Variants in KLHL1 observed in about 807,000 individuals in gnomAD.
The protein encoded by KLHL1 is kelch like family member 1.
Under a neutral mutation model 77.7 loss-of-function variants are expected in KLHL1, and 47 were observed. That is an observed-to-expected ratio of 0.60 (90% CI 0.48 to 0.77). The LOEUF (loss-of-function observed/expected upper bound fraction) is 0.77, where lower values mean the gene tolerates loss of function less well. KLHL1 is among the 30% of genes least tolerant of loss of function. The pLI is 0.00. For missense variants in KLHL1, 925 were observed against 910.8 expected (o/e 1.02, Z -0.20); for synonymous variants, 360 against 325.2 (o/e 1.11, Z -1.15).
Position 70,107,473 on chromosome 13 carries a change from G to C in KLHL1, c.227C>G (p.Ser76Cys). 6.2e-7 allele frequency: 1 copy of C among 1,614,104 alleles called. No homozygotes were observed. Among genetic ancestry groups the C allele is most frequent in the South Asian group, 1.1e-5 (1 of 91,086 alleles). The stretch of plus-strand genomic sequence containing the variant: ...AGAGGACGGGGAGGACGATGAAGAG[G>C]AAGAGGAGGAAGGCTTCTTCCAGAA... ...STFWKKPSSS[S>C]SSSSSPSSSS... is the part of the protein sequence containing the mutation. Residue 76 changes from serine (S) to cysteine (C), a missense_variant, in exon 1 of 11, where the codon TCC (serine) becomes TGC (cysteine). Physicochemically the swap from Ser to Cys is moderately radical, Grantham distance 112 (BLOSUM62 -1). Coordinates refer to ENST00000377844, the MANE Select transcript of KLHL1 (RefSeq NM_020866.3).
intron 1 of KLHL1, among the ~76,000 whole-genome samples, chr13:70,052,249 A>G (rs1342626307): frequency 6.6e-6 from 1 of 151,802 alleles, no homozygotes; most frequent in Non-Finnish European, 1.5e-5. Flanking sequence ...TAGCATATTT[A>G]TTACTCTTTT....
intron 5 of KLHL1, among the ~76,000 whole-genome samples, chr13:69,864,198 G>T (rs1880281290): frequency 1.3e-5 from 2 of 151,570 alleles, no homozygotes; most frequent in South Asian, 2.1e-4. Flanking sequence ...AAACTGGCAT[G>T]GTCATAAAAA....
intron 7 of KLHL1, among the ~76,000 whole-genome samples, chr13:69,771,255 C>T (rs565296363): frequency 3.0e-4 from 44 of 148,452 alleles, no homozygotes; most frequent in African/African-American, 4.5e-4. Context: ...TTGTCTAACA[C>T]CATGTGCCTT....
chr13:69,722,016 C>T (rs1204461166), intron 8 of KLHL1, among the ~76,000 whole-genome samples: 1 of 151,976 alleles, frequency 6.6e-6, no homozygotes, highest in African/African-American at 2.4e-5. Flanking sequence ...TGATTTAACT[C>T]AAAAGAAGTA....
intron 8 of KLHL1, among the ~76,000 whole-genome samples, chr13:69,728,311 A>C (rs1266089339): frequency 2.0e-5 from 3 of 152,114 alleles, no homozygotes; most frequent in Non-Finnish European, 4.4e-5. Context: ...ATTAGGACAT[A>C]ATGGAAAAAC....
chr13:69,999,652 G>T (rs1593663241), intron 1 of KLHL1, among the ~76,000 whole-genome samples: 1 of 152,144 alleles, frequency 6.6e-6, no homozygotes, highest in Admixed American at 6.6e-5. Flanking sequence ...CCAGGAGACT[G>T]ACTGGGATGG....
At chr13:70,061,957 A>G (rs1175129389) in intron 1 of KLHL1, among the ~76,000 whole-genome samples, 1 of 152,100 alleles carries the variant, frequency 6.6e-6, no homozygotes, top group Non-Finnish European at 1.5e-5. Context: ...AACATTCAAG[A>G]TCTTCTCTTC....
chr13:69,963,086 G>GT (rs1884116238), intron 2 of KLHL1, among the ~76,000 whole-genome samples: 1 of 151,930 alleles, frequency 6.6e-6, no homozygotes, highest in Non-Finnish European at 1.5e-5. Flanking sequence ...TTTAGAGACA[G>GT]TATCTCTTTC....
intron 6 of KLHL1, among the ~76,000 whole-genome samples, chr13:69,816,553 T>C (rs1878132500): frequency 6.6e-6 from 1 of 152,134 alleles, no homozygotes; most frequent in South Asian, 2.1e-4. Context: ...GCACCGTGCC[T>C]GGCCTGGAAG....
At chr13:69,930,075 A>G (rs1454799262) in intron 4 of KLHL1, among the ~76,000 whole-genome samples, 1 of 151,808 alleles carries the variant, frequency 6.6e-6, no homozygotes, top group Non-Finnish European at 1.5e-5. Flanking sequence ...ACTGATTCAC[A>G]TCTCTTTTGC....
intron 7 of KLHL1, among the ~76,000 whole-genome samples, chr13:69,781,909 AAT>A (rs1491240927): frequency 8.0e-6 from 1 of 125,052 alleles, no homozygotes; most frequent in Non-Finnish European, 1.8e-5. Flanking sequence ...CCCATAATTT[AAT>A]AGTCATTTTA....
At chr13:69,981,534 GA>G (rs1884707784) in intron 1 of KLHL1, among the ~76,000 whole-genome samples, 1 of 151,890 alleles carries the variant, frequency 6.6e-6, no homozygotes, top group East Asian at 1.9e-4. Flanking sequence ...TTATTTAAGG[GA>G]AAAAAATTTA....
At chr13:70,020,680 C>A (rs984800948) in intron 1 of KLHL1, among the ~76,000 whole-genome samples, 1 of 152,024 alleles carries the variant, frequency 6.6e-6, no homozygotes, top group Admixed American at 6.6e-5. Context: ...GCAGTCATCA[C>A]AAGTCGGCTG....
At chr13:69,917,053 G>C (rs1429367799) in intron 4 of KLHL1, among the ~76,000 whole-genome samples, 1 of 152,012 alleles carries the variant, frequency 6.6e-6, no homozygotes, top group East Asian at 1.9e-4. Context: ...GTTTGCACAT[G>C]TGTACGTGTA....
At chr13:69,973,324 T>C (rs1884449040) in intron 2 of KLHL1, among the ~76,000 whole-genome samples, 1 of 151,812 alleles carries the variant, frequency 6.6e-6, no homozygotes, top group Non-Finnish European at 1.5e-5. Flanking sequence ...TAAAATTTAT[T>C]TGACAGTTTG....
At chr13:69,750,289 G>T (rs1874415102) in intron 7 of KLHL1, among the ~76,000 whole-genome samples, 1 of 151,656 alleles carries the variant, frequency 6.6e-6, no homozygotes, top group Non-Finnish European at 1.5e-5. Flanking sequence ...TAAAATCAGT[G>T]ATTAGGGTGA....
chr13:69,768,567 T>A (rs1875418425), intron 7 of KLHL1, among the ~76,000 whole-genome samples: 1 of 152,104 alleles, frequency 6.6e-6, no homozygotes, highest in Non-Finnish European at 1.5e-5. Context: ...TGAAAGAAAA[T>A]TAAAAGATAA....
At chr13:69,804,319 A>G (rs752642614) in intron 6 of KLHL1, among the ~76,000 whole-genome samples, 3 of 152,032 alleles carry the variant, frequency 2.0e-5, no homozygotes, top group Non-Finnish European at 2.9e-5. Context: ...GGGGGGGGAA[A>G]TAGTAATTAA....
intron 1 of KLHL1, among the ~76,000 whole-genome samples, chr13:70,017,749 G>T (rs1165585731): frequency 6.6e-6 from 1 of 152,178 alleles, no homozygotes; most frequent in Non-Finnish European, 1.5e-5. Flanking sequence ...GAAAGCAGAA[G>T]TCAAGCTACA....
Sources: allele counts gnomAD v4.1 joint callset (sites outside exome capture counted in the v4.1 genomes callset), GRCh38; gene constraint gnomAD v4.1.1; transcripts MANE v1.5; gene names NCBI Gene and HGNC (gene_info 2026-07-23, HGNC 2026-07-21).